CARD10: variants seen among roughly 807,000 people sequenced by gnomAD.
CARD10 encodes caspase recruitment domain-containing protein 10.
Under a neutral mutation model 114.6 loss-of-function variants are expected in CARD10, and 49 were observed. The observed-to-expected ratio is 0.43, with a 90% CI of 0.34 to 0.54. The LOEUF (loss-of-function observed/expected upper bound fraction) is 0.54. CARD10 is among the 20% of genes least tolerant of loss of function. The pLI, the probability that CARD10 is intolerant of heterozygous loss-of-function variation, is 0.03. For missense variants in CARD10, 1,206 were observed against 1,397.2 expected (o/e 0.86, Z 2.18); for synonymous variants, 602 against 593.2 (o/e 1.01, Z -0.21).
At chr22:37,517,767 G>A (rs1051782873) in intron 2 of CARD10, among the ~76,000 whole-genome samples, 2 of 152,166 alleles carry the variant, frequency 1.3e-5, no homozygotes, top group African/African-American at 2.4e-5. Flanking sequence ...TAAGCATGTG[G>A]CTCTGAACTT....
chr22:37,506,819 C>A (rs992178454), intron 6 of CARD10, among the ~76,000 whole-genome samples: 1 of 152,208 alleles, frequency 6.6e-6, no homozygotes, highest in African/African-American at 2.4e-5. Context: ...CAGAGCTGGG[C>A]CCATGGTCCA....
At chr22:37,504,794 G>C (rs1049328107) in intron 7 of CARD10, 25 bp from the exon 8 acceptor site, 2 of 1,466,190 alleles carry the variant, frequency 1.4e-6, no homozygotes, top group African/African-American at 1.4e-5. Context: ...GGAGAGGAAG[G>C]AGGTGAGCAG....
At chr22:37,515,493 G>A (rs1484727803) in intron 3 of CARD10, among the ~76,000 whole-genome samples, 2 of 149,532 alleles carry the variant, frequency 1.3e-5, no homozygotes, top group East Asian at 4.0e-4. Flanking sequence ...AACCCGGGAG[G>A]CAGAGGCTGC....
intron 7 of CARD10, among the ~76,000 whole-genome samples, chr22:37,505,290 G>T (rs1923366689): frequency 6.6e-6 from 1 of 151,642 alleles, no homozygotes; most frequent in African/African-American, 2.4e-5. Flanking sequence ...AAAAAAAAAA[G>T]TCTTGGATTA....
chr22:37,510,080 G>T, intron 4 of CARD10, 132 bp downstream of exon 4: 1 of 589,102 alleles, frequency 1.7e-6, no homozygotes, highest in South Asian at 2.1e-5. Context: ...GTGCCCAGAA[G>T]CCCTGGCCCT....
chr22:37,493,898 T>G (rs1922896545), intron 16 of CARD10, among the ~76,000 whole-genome samples, 188 bp downstream of exon 16: 1 of 152,148 alleles, frequency 6.6e-6, no homozygotes, highest in Non-Finnish European at 1.5e-5. Flanking sequence ...CCCTCAACCT[T>G]GGCAATCACC....
chr22:37,513,325 T>A (rs1923727000), intron 3 of CARD10, among the ~76,000 whole-genome samples: 1 of 152,124 alleles, frequency 6.6e-6, no homozygotes, highest in Non-Finnish European at 1.5e-5. Context: ...TTAGCCGGGA[T>A]GGTCTCAATC....
At position 37,490,695 on chromosome 22, in the gene CARD10, G is replaced by A. The variant is rs375241158; in HGVS notation, c.*464C>T. The A allele has an allele frequency of 4.4e-4, 71 of 159,810 alleles. No homozygotes were observed. The highest frequency in any genetic ancestry group is 1.6e-3 in the African/African-American group (65 of 41,746). The allele number at this position is 159,810 out of a possible 1,614,324, so 9.9% of individuals were successfully genotyped here. Reference sequence around the variant, plus strand: ...ATGCATGGCTGAATCCACGAGGAGCGCGAGCTGGATGGTGGGAGTCACGCG... The same window carrying A: ...ATGCATGGCTGAATCCACGAGGAGCACGAGCTGGATGGTGGGAGTCACGCG... On this transcript the variant is annotated 3_prime_UTR_variant, in exon 20 of 20. Coordinates refer to ENST00000251973, the MANE Select transcript of CARD10 (RefSeq NM_014550.4).
chr22:37,492,814 G>A lies in CARD10; in HGVS notation c.2477-12C>T. On this transcript the variant is annotated splice_polypyrimidine_tract_variant and intron_variant, in intron 16 of 19. Transcript: ENST00000251973. The surrounding 1 kb of genome is among the most constrained non-coding windows in gnomAD (Gnocchi z 5.7). ...GCTCCGCTCCGGCTCTGTGGCAGGG[G>A]AGGGGCGCAAAAGAGATAAGGGCAC... 6.2e-7 allele frequency: 1 copy of A among 1,608,274 alleles called. No homozygotes were observed. Among genetic ancestry groups the A allele is most frequent in the Non-Finnish European group, 8.5e-7 (1 of 1,179,088 alleles).
chr22:37,500,877 G>A (rs1923188729), intron 11 of CARD10, among the ~76,000 whole-genome samples: 1 of 152,112 alleles, frequency 6.6e-6, no homozygotes, highest in Non-Finnish European at 1.5e-5. Context: ...AGTGTGCTAA[G>A]CATTCTAGAA....
chr22:37,507,345 C>T (rs1923448223), intron 6 of CARD10, among the ~76,000 whole-genome samples: 1 of 152,216 alleles, frequency 6.6e-6, no homozygotes, highest in Non-Finnish European at 1.5e-5. Flanking sequence ...GGACAAAAAC[C>T]TCCTGCCCTT....
intron 5 of CARD10, 103 bp from the exon 6 acceptor site, chr22:37,508,057 C>T: frequency 7.1e-7 from 1 of 1,413,808 alleles, no homozygotes; most frequent in East Asian, 2.3e-5. Flanking sequence ...CACCAACAGT[C>T]TGAGACCCAA....
chr22:37,516,412 T>A (rs1013098188), intron 2 of CARD10, 114 bp from the exon 3 acceptor site: 1 of 744,068 alleles, frequency 1.3e-6, no homozygotes, highest in African/African-American at 1.8e-5. Flanking sequence ...AATTCTGGAA[T>A]ATATTTGTAG....
In CARD10 at chr22:37,490,904, C is replaced by T. The variant is rs1922745582; in HGVS notation, c.*255G>A. 1.8e-6 allele frequency: 1 copy of T among 553,504 alleles called. No individual in the cohort carries two copies. Among genetic ancestry groups the T allele is most frequent in the Admixed American group, 3.3e-5 (1 of 30,386 alleles). 34.3% of individuals were successfully genotyped at this position (553,504 alleles called of 1,614,324 possible). On this transcript the variant is annotated 3_prime_UTR_variant, in exon 20 of 20. Coordinates refer to ENST00000251973, the MANE Select transcript of CARD10 (RefSeq NM_014550.4). ...AAGACACAGACACACATAAGACCCACTAGTGGGAATGTGGAGACCCCAGGA... is the reference window on the plus strand; with the variant it reads ...AAGACACAGACACACATAAGACCCATTAGTGGGAATGTGGAGACCCCAGGA...
At chr22:37,506,133 G>A (rs1569165389) in intron 7 of CARD10, 59 bp downstream of exon 7, 3 of 1,354,692 alleles carry the variant, frequency 2.2e-6, no homozygotes, top group Non-Finnish European at 2.9e-6. Flanking sequence ...CCCTGGCCAA[G>A]AGCTCCTGCC....
chr22:37,514,614 G>C (rs1312716678), intron 3 of CARD10: 1 of 152,308 alleles, frequency 6.6e-6, no homozygotes, highest in African/African-American at 2.4e-5. Flanking sequence ...CGACCCACCT[G>C]GCGTGCACAA....
intron 11 of CARD10, among the ~76,000 whole-genome samples, chr22:37,498,601 C>A (rs1314606345): frequency 1.3e-5 from 2 of 152,210 alleles, no homozygotes; most frequent in Non-Finnish European, 2.9e-5. Flanking sequence ...TGCTGGGGAA[C>A]AGCCCCGCCC....
chr22:37,503,304 T>C, intron 9 of CARD10, 91 bp from the exon 10 acceptor site: 1 of 1,290,072 alleles, frequency 7.8e-7, no homozygotes, highest in South Asian at 1.5e-5. Context: ...ACCAGATAAA[T>C]GTCTCACAGC....
chr22:37,511,504 AGAAG>A (rs1923649552), intron 3 of CARD10, among the ~76,000 whole-genome samples: 1 of 147,258 alleles, frequency 6.8e-6, no homozygotes, highest in African/African-American at 2.5e-5. Context: ...GGAGGAGGAA[AGAAG>A]GAAGAAGGAA....
Sources: gnomAD v4.1 joint callset for allele counts (sites outside exome capture counted in the v4.1 genomes callset) on GRCh38, gnomAD v4.1.1 for gene constraint, Gnocchi (gnomAD v3.1) non-coding constraint, MANE v1.5 for transcripts, NCBI Gene and HGNC (gene_info 2026-07-23, HGNC 2026-07-21) for gene names.